ANKRD30B: variants seen among roughly 807,000 people sequenced by gnomAD.
ANKRD30B encodes ankyrin repeat domain 30B, also known as ankyrin repeat domain-containing protein 30B.
Under a neutral mutation model 202.2 loss-of-function variants are expected in ANKRD30B, and 144 were observed. The ratio of observed to expected loss-of-function variants is 0.71; its 90% CI spans 0.62 to 0.82. The LOEUF (loss-of-function observed/expected upper bound fraction) is 0.82. Among genes scored for constraint, ANKRD30B ranks in the 40% least tolerant of loss-of-function variants. The probability of loss-of-function intolerance (pLI) is 0.00; values close to 1 mark genes in which losing one functional copy is unlikely to be tolerated. For synonymous variants in ANKRD30B, 508 were observed against 561.3 expected, an observed-to-expected ratio of 0.91 and a Z score of 1.34; for missense variants, 1,487 against 1,669.1, an observed-to-expected ratio of 0.89 and a Z score of 1.90.
chr18:14,843,203 G>C, intron 39 of ANKRD30B, 107 bp downstream of exon 39: 1 of 1,175,480 alleles, frequency 8.5e-7, no homozygotes, highest in Non-Finnish European at 1.2e-6. Context: ...AAATATTTGA[G>C]TTAATAATGT....
intron 6 of ANKRD30B, among the ~76,000 whole-genome samples, chr18:14,762,375 C>T (rs1333004242): frequency 6.6e-6 from 1 of 152,102 alleles, no homozygotes. Flanking sequence ...GCAAGAATTA[C>T]AAAACTTAGC....
chr18:14,893,772 G>A, the ANKRD30B span, among the ~76,000 whole-genome samples: 3 of 151,138 alleles, frequency 2.0e-5, no homozygotes, highest in East Asian at 1.9e-4. Flanking sequence ...CAGTGTATCC[G>A]TTGCCTCACA....
At chr18:14,753,764 G>T (rs1292903787) in intron 3 of ANKRD30B, among the ~76,000 whole-genome samples, 1 of 151,994 alleles carries the variant, frequency 6.6e-6, no homozygotes, top group Non-Finnish European at 1.5e-5. Flanking sequence ...AATTTTGGTT[G>T]TATTTGAATA....
chr18:14,928,824 C>G, the ANKRD30B span, among the ~76,000 whole-genome samples: 4 of 152,144 alleles, frequency 2.6e-5, no homozygotes, highest in Non-Finnish European at 5.9e-5. Flanking sequence ...GTCTCATTGA[C>G]TATTCTCAAA....
chr18:14,880,343 A>T, the ANKRD30B span, among the ~76,000 whole-genome samples: 1 of 152,172 alleles, frequency 6.6e-6, no homozygotes, highest in Admixed American at 6.5e-5. Context: ...CTTTTTGCTT[A>T]GCCTTGGTCT....
chr18:14,931,883 G>A, the ANKRD30B span, among the ~76,000 whole-genome samples: 4 of 37,892 alleles, frequency 1.1e-4, no homozygotes, highest in Non-Finnish European at 2.1e-4. Flanking sequence ...CAACTTCAGA[G>A]GAGGCCCTCT....
intron 30 of ANKRD30B, chr18:14,816,978 A>G (rs1301453816): frequency 6.6e-6 from 1 of 152,186 alleles, no homozygotes; most frequent in Non-Finnish European, 1.5e-5. Context: ...TGGAGGAGGG[A>G]TAGCATTAGG....
chr18:14,833,147 G>A (rs1971025943), intron 34 of ANKRD30B, among the ~76,000 whole-genome samples: 1 of 151,880 alleles, frequency 6.6e-6, no homozygotes, highest in Non-Finnish European at 1.5e-5. Context: ...ATGTTGCCCA[G>A]GATGGTGTCG....
chr18:14,872,430 C>G, the ANKRD30B span, among the ~76,000 whole-genome samples: 1 of 152,138 alleles, frequency 6.6e-6, no homozygotes, highest in Admixed American at 6.5e-5. Flanking sequence ...TTTTTGCATG[C>G]AGCACTGGGA....
At chr18:14,853,622 C>G (rs1598726360) in intron 42 of ANKRD30B, among the ~76,000 whole-genome samples, 187 bp from the exon 43 acceptor site, 1 of 150,518 alleles carries the variant, frequency 6.6e-6, no homozygotes, top group Non-Finnish European at 1.5e-5. Context: ...AATCTTGTGT[C>G]TAGTAAGACA....
At chr18:14,818,685 A>G (rs1970249010) in intron 30 of ANKRD30B, among the ~76,000 whole-genome samples, 1 of 151,978 alleles carries the variant, frequency 6.6e-6, no homozygotes, top group Non-Finnish European at 1.5e-5. Context: ...TACAAAGGAC[A>G]TGAACTCATC....
the ANKRD30B span, among the ~76,000 whole-genome samples, chr18:14,924,635 C>G: frequency 6.6e-6 from 1 of 152,180 alleles, no homozygotes; most frequent in South Asian, 2.1e-4. Flanking sequence ...CTCAGACAGA[C>G]GAGGTCCATG....
At chr18:14,752,223 T>C (rs189771900) in intron 1 of ANKRD30B, among the ~76,000 whole-genome samples, 1 of 152,316 alleles carries the variant, frequency 6.6e-6, no homozygotes, top group East Asian at 1.9e-4. Context: ...ATCACAGTGA[T>C]GTCCTGTGAG....
chr18:14,833,832 C>G (rs9675532), intron 34 of ANKRD30B, among the ~76,000 whole-genome samples: 2,592 of 152,192 alleles, frequency 0.017, 81 homozygotes, highest in African/African-American at 0.06. Flanking sequence ...CATCATGGCT[C>G]TTGTTTGTTT....
chr18:14,808,112 C>T (rs1026493358), intron 24 of ANKRD30B, among the ~76,000 whole-genome samples: 29 of 150,672 alleles, frequency 1.9e-4, no homozygotes, highest in Non-Finnish European at 3.7e-4. Flanking sequence ...TAGCTACTTG[C>T]AGTATATTGA....
intron 24 of ANKRD30B, among the ~76,000 whole-genome samples, chr18:14,805,773 T>G (rs1969471159): frequency 6.6e-6 from 1 of 150,770 alleles, no homozygotes; most frequent in South Asian, 2.1e-4. Flanking sequence ...TTTGCTCCTC[T>G]GATTCAAGAT....
At chr18:14,753,897 C>T (rs1913894138) in intron 3 of ANKRD30B, among the ~76,000 whole-genome samples, 1 of 151,926 alleles carries the variant, frequency 6.6e-6, no homozygotes, top group South Asian at 2.1e-4. Flanking sequence ...CATTAGTAAG[C>T]CATTTTATTC....
chr18:14,755,391 T>A (rs867714207), intron 4 of ANKRD30B, among the ~76,000 whole-genome samples: 11 of 152,116 alleles, frequency 7.2e-5, no homozygotes, highest in Admixed American at 3.9e-4. Context: ...TACACTTTTT[T>A]AATTTCTTTT....
intron 6 of ANKRD30B, among the ~76,000 whole-genome samples, chr18:14,762,040 A>G (rs1336633691): frequency 6.6e-6 from 1 of 152,242 alleles, no homozygotes; most frequent in Non-Finnish European, 1.5e-5. Flanking sequence ...TATTCTTACA[A>G]TAAAGTGAGC....
Sources: allele counts gnomAD v4.1 joint callset (sites outside exome capture counted in the v4.1 genomes callset), GRCh38; gene constraint gnomAD v4.1.1; transcripts MANE v1.5; gene names NCBI Gene and HGNC (gene_info 2026-07-23, HGNC 2026-07-21).